SORBS2: variants seen among roughly 807,000 people sequenced by gnomAD.
SORBS2 encodes sorbin and SH3 domain containing 2.
SORBS2 carries 46 observed loss-of-function variants against 97.7 expected under a neutral mutation model. The observed-to-expected ratio is 0.47, with a 90% CI of 0.37 to 0.60. The LOEUF (loss-of-function observed/expected upper bound fraction) is 0.60. SORBS2 is among the 20% of genes least tolerant of loss of function. SORBS2 has a pLI of 0.00. For synonymous variants in SORBS2, 476 were observed against 473.4 expected (o/e 1.01, Z -0.07); for missense variants, 1,316 against 1,282.3 (o/e 1.03, Z -0.40).
chr4:185,661,163 C>T (rs1017385462), upstream of SORBS2, among the ~76,000 whole-genome samples: 1 of 151,718 alleles, frequency 6.6e-6, no homozygotes, highest in African/African-American at 2.4e-5. Context: ...GTAATCCCAG[C>T]TACTCAGGAG....
intron 1 of SORBS2, among the ~76,000 whole-genome samples, chr4:185,890,150 G>A (rs775327261): frequency 6.6e-6 from 1 of 152,162 alleles, no homozygotes; most frequent in Non-Finnish European, 1.5e-5. Context: ...GCCTCCCAAA[G>A]TTCTGGGATT....
chr4:185,718,816 C>T (rs185559501), intron 2 of SORBS2, among the ~76,000 whole-genome samples: 1 of 152,310 alleles, frequency 6.6e-6, no homozygotes, highest in Non-Finnish European at 1.5e-5. Context: ...GAGAGTCAGA[C>T]ACTCAGGTTA....
exon 6 of SORBS2, chr4:185,626,934 C>A (rs758591015): frequency 6.2e-7 from 1 of 1,614,220 alleles, no homozygotes; most frequent in East Asian, 2.2e-5. Flanking sequence ...GTCCTGCTCG[C>A]ACTTTGATCT....
intron 1 of SORBS2, among the ~76,000 whole-genome samples, chr4:185,804,597 T>C (rs932100212): frequency 6.6e-6 from 1 of 152,218 alleles, no homozygotes; most frequent in African/African-American, 2.4e-5. Context: ...TACTTTTTAG[T>C]ATTTGGTATT....
At chr4:185,727,938 G>A (rs1399993021) in intron 2 of SORBS2, among the ~76,000 whole-genome samples, 1 of 152,042 alleles carries the variant, frequency 6.6e-6, no homozygotes, top group Non-Finnish European at 1.5e-5. Context: ...CCATCCTTAT[G>A]GTATAATCCT....
Position 185,607,699 on chromosome 4 carries a change from T to A in SORBS2, c.2796+4081A>T, listed in dbSNP as rs6849104. Among the ~76,000 whole-genome samples the A allele has an allele frequency of 0.63, 94,489 of 150,768 alleles. 29,925 individuals are homozygous for A. Among genetic ancestry groups the A allele is most frequent in the African/African-American group, 0.74 (29,944 of 40,324 alleles). ...TTATTTTTATTTATTTTTAATTTTTTAAAAAATTTTTTAGAGATGGAGTCT... is the reference window on the plus strand; with the variant it reads ...TTATTTTTATTTATTTTTAATTTTTAAAAAAATTTTTTAGAGATGGAGTCT... On this transcript the variant is annotated intron_variant, in intron 12 of 14. Transcript: ENST00000418609. The surrounding 1 kb of genome is among the most constrained non-coding windows in gnomAD (Gnocchi z 5.2).
Position 185,794,309 on chromosome 4 carries a change from C to T in SORBS2, c.-337-18943G>A, listed in dbSNP as rs541674451. On this transcript the variant is annotated intron_variant, in intron 1 of 20. Transcript: ENST00000284776. The stretch of plus-strand genomic sequence containing the variant: ...AATCCAGGCAGTGGGTGGGGCACGG[C>T]CCCACTGATGAGTGTCTGAGCCATG... Among the ~76,000 whole-genome samples the T allele has an allele frequency of 6.7e-4, 102 of 152,252 alleles. No individual in the cohort carries two copies. The Middle Eastern group carries it at 0.01, about 15-fold the overall frequency.
chr4:185,761,553 G>T (rs2098892200), intron 2 of SORBS2: 1 of 152,232 alleles, frequency 6.6e-6, no homozygotes, highest in Non-Finnish European at 1.5e-5. Flanking sequence ...GACAAGTACA[G>T]AGTCTTGAGT....
intron 1 of SORBS2, among the ~76,000 whole-genome samples, chr4:185,849,100 T>A (rs962430642): frequency 3.9e-5 from 6 of 152,296 alleles, no homozygotes; most frequent in Admixed American, 3.9e-4. Flanking sequence ...CCACCTCTTA[T>A]ATAGCTGGCC....
At chr4:185,785,681 A>C (rs945786266) in intron 1 of SORBS2, among the ~76,000 whole-genome samples, 3 of 152,344 alleles carry the variant, frequency 2.0e-5, no homozygotes, top group South Asian at 4.1e-4. Flanking sequence ...GTGAGGCTTA[A>C]ATGAGTTAAC....
At chr4:185,860,872 G>T (rs1213388483) in intron 1 of SORBS2, among the ~76,000 whole-genome samples, 1 of 152,144 alleles carries the variant, frequency 6.6e-6, no homozygotes, top group Non-Finnish European at 1.5e-5. Context: ...CCAAGGTGAA[G>T]CCTCCAGTAG....
At chr4:185,748,194 A>G (rs1464799993) in intron 2 of SORBS2, among the ~76,000 whole-genome samples, 1 of 152,094 alleles carries the variant, frequency 6.6e-6, no homozygotes, top group Admixed American at 6.5e-5. Flanking sequence ...GCTGTACCAT[A>G]TCTGGGCACA....
intron 5 of SORBS2, among the ~76,000 whole-genome samples, chr4:185,630,049 A>G (rs989592529): frequency 1.3e-5 from 2 of 152,140 alleles, no homozygotes; most frequent in Admixed American, 6.5e-5. Context: ...CCTCAGAGAT[A>G]AAGTGGGGAC....
At chr4:185,726,418 G>T (rs11132342) in intron 2 of SORBS2, among the ~76,000 whole-genome samples, 79,303 of 151,728 alleles carry the variant, frequency 0.52, 20,883 homozygotes, top group East Asian at 0.6. Context: ...AATAAATATG[G>T]GTTAAATATC....
At chr4:185,761,930 T>A (rs6840516) in intron 2 of SORBS2, among the ~76,000 whole-genome samples, 68,631 of 152,082 alleles carry the variant, frequency 0.45, 15,889 homozygotes, top group South Asian at 0.5. Context: ...GACAGCAAAG[T>A]GCACAACTTG....
intron 1 of SORBS2, among the ~76,000 whole-genome samples, chr4:185,862,999 C>T (rs561326215): frequency 6.6e-6 from 1 of 152,212 alleles, no homozygotes; most frequent in Non-Finnish European, 1.5e-5. Context: ...CCCCCTCATC[C>T]CTGCCTGTGC....
intron 1 of SORBS2, among the ~76,000 whole-genome samples, chr4:185,933,834 A>C (rs1014104058): frequency 6.6e-6 from 1 of 152,188 alleles, no homozygotes; most frequent in Non-Finnish European, 1.5e-5. Flanking sequence ...AATTTAGCCA[A>C]TATCAGTGGC....
intron 1 of SORBS2, among the ~76,000 whole-genome samples, chr4:185,901,452 C>T (rs2099247731): frequency 6.6e-6 from 1 of 152,158 alleles, no homozygotes; most frequent in South Asian, 2.1e-4. Context: ...GATGCGCCCG[C>T]CTCGGCCTCC....
intron 1 of SORBS2, among the ~76,000 whole-genome samples, chr4:185,950,175 C>T (rs560801658): frequency 4.0e-5 from 6 of 151,846 alleles, no homozygotes; most frequent in Non-Finnish European, 7.4e-5. Flanking sequence ...TCGTTTGAAC[C>T]CAGGAGGCGG....
Sources: gnomAD v4.1 joint callset for allele counts (sites outside exome capture counted in the v4.1 genomes callset) on GRCh38, gnomAD v4.1.1 for gene constraint, Gnocchi (gnomAD v3.1) non-coding constraint, MANE v1.5 for transcripts, NCBI Gene and HGNC (gene_info 2026-07-23, HGNC 2026-07-21) for gene names.